Variants in TTC21B observed in about 807,000 individuals in gnomAD.
TTC21B encodes the protein tetratricopeptide repeat domain 21B.
A neutral mutation model predicts 175.1 loss-of-function variants in TTC21B; 127 were observed. The ratio of observed to expected loss-of-function variants is 0.73; its 90% CI spans 0.63 to 0.84. The LOEUF is 0.84. Ranked by LOEUF, TTC21B falls within the 40% of genes least tolerant of loss-of-function variation. The probability of loss-of-function intolerance (pLI) is 0.00; values close to 1 mark genes in which losing one functional copy is unlikely to be tolerated. For synonymous variants in TTC21B, 524 were observed against 524.5 expected, an observed-to-expected ratio of 1.00 and a Z score of 0.01; for missense variants, 1,561 against 1,558.3, an observed-to-expected ratio of 1.00 and a Z score of -0.03.
At chr2:165,900,575 AT>A (rs1194691033) in intron 20 of TTC21B, among the ~76,000 whole-genome samples, 2 of 152,164 alleles carry the variant, frequency 1.3e-5, no homozygotes, top group East Asian at 3.8e-4. Flanking sequence ...TTATCTTTAC[AT>A]TTATTCTCCC....
chr2:165,952,863 T>G (rs1687801103), intron 1 of TTC21B, among the ~76,000 whole-genome samples: 1 of 152,208 alleles, frequency 6.6e-6, no homozygotes, highest in African/African-American at 2.4e-5. Context: ...TGGAAGAGTT[T>G]TTCTTGGTTT....
intron 3 of TTC21B, 29 bp downstream of exon 3, chr2:165,949,365 G>A (rs1559078469): frequency 1.3e-6 from 2 of 1,490,450 alleles, no homozygotes; most frequent in Admixed American, 1.7e-5. Context: ...AGGAAAAAAT[G>A]TCCTAAGCAT....
chr2:165,908,351 G>C (rs146471432), intron 18 of TTC21B, among the ~76,000 whole-genome samples: 15 of 152,256 alleles, frequency 9.9e-5, no homozygotes, highest in Non-Finnish European at 1.6e-4. Flanking sequence ...ACCTCACAGG[G>C]TGGATGCAAG....
At chr2:165,912,997 C>G (rs561440848) in intron 16 of TTC21B, among the ~76,000 whole-genome samples, 1 of 152,010 alleles carries the variant, frequency 6.6e-6, no homozygotes, top group East Asian at 1.9e-4. Context: ...CTTTATCCTT[C>G]TGTATAAAGA....
intron 11 of TTC21B, among the ~76,000 whole-genome samples, chr2:165,927,314 TTATATAATATATATATAATATATAA>T (rs1439691590): frequency 2.0e-5 from 1 of 51,016 alleles, no homozygotes; most frequent in African/African-American, 5.1e-5. Context: ...ATATTATATA[TTATATAATATATATATAATATATAA>T]TATATATATA....
intron 12 of TTC21B, 64 bp from the exon 13 acceptor site, chr2:165,919,497 A>G (rs768301731): frequency 3.4e-5 from 52 of 1,548,158 alleles, no homozygotes; most frequent in Non-Finnish European, 4.6e-5. Context: ...CTGAGAGGGA[A>G]GAGGAAGAAG....
chr2:165,901,799 A>G lies in TTC21B; in HGVS notation c.2680T>C (p.Ser894Pro). ...AEICAEIAKH[S>P]VAQRDYEKAI... Reference sequence around the variant, plus strand: ...TTTTCATAGTCTCGCTGAGCAACAGAATGTTTTGCAATCTCTGCACAAATT... The same window carrying G: ...TTTTCATAGTCTCGCTGAGCAACAGGATGTTTTGCAATCTCTGCACAAATT... Residue 894 changes from serine (S) to proline (P), a missense_variant, in exon 20 of 29, where the codon TCT (serine) becomes CCT (proline). Transcript: ENST00000243344. 6.2e-7 allele frequency: 1 copy of G among 1,614,138 alleles called. No homozygotes were observed. Among genetic ancestry groups the G allele is most frequent in the Non-Finnish European group, 8.5e-7 (1 of 1,180,004 alleles).
rs1458181202 is a variant in TTC21B at position 165,921,417 on chromosome 2, AC to A, written c.1517-1985del. Among the ~76,000 whole-genome samples, 3 of 152,066 alleles carry A rather than the reference AC, an allele frequency of 2.0e-5. No individual in the cohort carries two copies. The East Asian group carries it at 5.8e-4, about 29-fold the overall frequency. On this transcript the variant is annotated intron_variant, in intron 12 of 28. Coordinates refer to ENST00000243344, the MANE Select transcript of TTC21B (RefSeq NM_024753.5). ...GGGCAATGGAAGCTTTACATCTGGG[AC>A]CCTATCAGACCTCACCCTGTGCATC...
At chr2:165,898,258 C>T (rs1685438406) in intron 22 of TTC21B, among the ~76,000 whole-genome samples, 1 of 152,094 alleles carries the variant, frequency 6.6e-6, no homozygotes, top group East Asian at 1.9e-4. Context: ...GGATCACAGG[C>T]CTGGGGAGGA....
intron 5 of TTC21B, among the ~76,000 whole-genome samples, chr2:165,942,873 T>C (rs1416123775): frequency 6.6e-6 from 1 of 152,194 alleles, no homozygotes; most frequent in Non-Finnish European, 1.5e-5. Flanking sequence ...GGATATAAGC[T>C]CCATAAAAAC....
chr2:165,906,137 A>G (rs1432573409), intron 19 of TTC21B, among the ~76,000 whole-genome samples: 1 of 152,084 alleles, frequency 6.6e-6, no homozygotes, highest in Non-Finnish European at 1.5e-5. Flanking sequence ...ACACTAAATA[A>G]TAATAAACTT....
intron 6 of TTC21B, among the ~76,000 whole-genome samples, chr2:165,939,742 G>A (rs917800496): frequency 6.6e-6 from 1 of 152,100 alleles, no homozygotes; most frequent in Non-Finnish European, 1.5e-5. Flanking sequence ...AACTTACAAT[G>A]TTGAAAGCTA....
At chr2:165,884,578 T>A (rs965316654) in intron 25 of TTC21B, among the ~76,000 whole-genome samples, 1 of 152,162 alleles carries the variant, frequency 6.6e-6, no homozygotes, top group African/African-American at 2.4e-5. Context: ...AAATAAGGCA[T>A]ATAATTAATT....
intron 23 of TTC21B, 41 bp downstream of exon 23, chr2:165,890,797 G>GA (rs541682013): frequency 2.0e-4 from 311 of 1,576,522 alleles, no homozygotes; most frequent in East Asian, 1.1e-3. Flanking sequence ...TTTACAATGA[G>GA]AAAAAAAAAT....
At chr2:165,899,693 G>T in intron 21 of TTC21B, 77 bp downstream of exon 21, 1 of 896,532 alleles carries the variant, frequency 1.1e-6, no homozygotes, top group Middle Eastern at 2.1e-4. Context: ...TCATCATCTA[G>T]TAGTAGTTCC....
chr2:165,912,817 T>C (rs887438636), intron 16 of TTC21B, among the ~76,000 whole-genome samples, 193 bp from the exon 17 acceptor site: 1 of 152,190 alleles, frequency 6.6e-6, no homozygotes, highest in African/African-American at 2.4e-5. Flanking sequence ...GTATAATTTA[T>C]TAGGATAATT....
chr2:165,944,509 G>A (rs927905784), intron 4 of TTC21B, among the ~76,000 whole-genome samples: 11 of 152,088 alleles, frequency 7.2e-5, no homozygotes, highest in Non-Finnish European at 1.5e-4. Flanking sequence ...CCTTCCACAA[G>A]GAAGTACTAT....
intron 6 of TTC21B, among the ~76,000 whole-genome samples, chr2:165,938,174 C>T (rs1687230523): frequency 6.6e-6 from 1 of 151,002 alleles, no homozygotes. Flanking sequence ...TAATCAATTA[C>T]CAATGAAGGA....
intron 14 of TTC21B, among the ~76,000 whole-genome samples, chr2:165,916,526 C>A (rs1686182644): frequency 6.6e-6 from 1 of 152,126 alleles, no homozygotes; most frequent in Non-Finnish European, 1.5e-5. Context: ...AAGCTGTATT[C>A]ATCAAGTATT....
Sources: allele counts gnomAD v4.1 joint callset (sites outside exome capture counted in the v4.1 genomes callset), GRCh38; gene constraint gnomAD v4.1.1; transcripts MANE v1.5; gene names NCBI Gene and HGNC (gene_info 2026-07-23, HGNC 2026-07-21).